MAP2K5: variants seen among roughly 807,000 people sequenced by gnomAD.
MAP2K5 encodes dual specificity mitogen-activated protein kinase kinase 5.
A neutral mutation model predicts 83.1 loss-of-function variants in MAP2K5; 49 were observed. The ratio of observed to expected loss-of-function variants is 0.59; its 90% CI spans 0.47 to 0.75. MAP2K5 has a LOEUF of 0.75. Among genes scored for constraint, MAP2K5 ranks in the 30% least tolerant of loss-of-function variants. The pLI is 0.00. For synonymous variants in MAP2K5, 202 were observed against 191.8 expected (o/e 1.05, Z -0.44); for missense variants, 457 against 557.5 (o/e 0.82, Z 1.82).
chr15:67,553,941 A>AC (rs1203144561), intron 2 of MAP2K5, among the ~76,000 whole-genome samples: 1 of 150,088 alleles, frequency 6.7e-6, no homozygotes, highest in Middle Eastern at 3.2e-3. Flanking sequence ...AAAAAAAAAA[A>AC]AGAAATAGTT....
Position 67,563,464 on chromosome 15 carries a change from A to G in MAP2K5, c.252+114A>G, listed in dbSNP as rs2084779269. On this transcript the variant is annotated intron_variant, in intron 3 of 21. Transcript: ENST00000178640. The surrounding 1 kb of genome is among the most constrained non-coding windows in gnomAD (Gnocchi z 4.5). ...AATCACAGTTGTCATACATTTTTCT[A>G]TATAATAGGTAAAGGTTTCAAGGAT... 6.7e-6 allele frequency: 9 copies of G among 1,334,812 alleles called. No homozygotes were observed. The highest frequency in any genetic ancestry group is 1.6e-5 in the South Asian group (1 of 64,236). The allele number at this position is 1,334,812 out of a possible 1,614,324, so 82.7% of individuals were successfully genotyped here.
In MAP2K5 at chr15:67,621,434, GA is replaced by G. The variant is rs11449678; in HGVS notation, c.546-9439del. ...AAGAAATACTAATGAACAAAAGTTT[GA>G]AAAAAAAAAAAAAAGAACAAAAGTT... is the stretch of plus-strand genomic sequence containing the variant. On this transcript the variant is annotated intron_variant, in intron 8 of 21. Transcript: ENST00000178640. 2.9e-4 allele frequency among the ~76,000 whole-genome samples: 34 copies of G among 118,968 alleles called. No individual in the cohort carries two copies. In the East Asian group the frequency reaches 4.0e-3, roughly 14 times the overall value. 78.0% of individuals were successfully genotyped at this position (118,968 alleles called of 152,430 possible). A position where few individuals can be genotyped will look rare whatever the true frequency, so the allele number is the denominator to read the frequency against.
At position 67,548,958 on chromosome 15, in the gene MAP2K5, G is replaced by A. The variant is rs531566448; in HGVS notation, c.136-1076G>A. On this transcript the variant is annotated intron_variant, in intron 1 of 21. Transcript: ENST00000178640. The stretch of plus-strand genomic sequence containing the variant: ...TAGAGGCAAGACTATTATGCAAATT[G>A]CCACTGCAGCAAAAGCTTCTAAAGA... 2.3e-3 allele frequency: 2,786 copies of A among 1,236,882 alleles called. 9 individuals are homozygous for A. The highest frequency in any genetic ancestry group is 0.018 in the Middle Eastern group (63 of 3,416). 76.6% of individuals were successfully genotyped at this position (1,236,882 alleles called of 1,614,324 possible).
At chr15:67,672,320 AC>A (rs1180766004) in intron 13 of MAP2K5, among the ~76,000 whole-genome samples, 1 of 151,782 alleles carries the variant, frequency 6.6e-6, no homozygotes, top group African/African-American at 2.4e-5. Flanking sequence ...CCTCTCCAGC[AC>A]CTGTTGTTTC....
At position 67,748,664 on chromosome 15, in the gene MAP2K5, A is replaced by G. The variant is rs1353675093; in HGVS notation, c.1134+63A>G. 6 of 1,525,438 alleles carry G rather than the reference A, an allele frequency of 3.9e-6. No individual in the cohort carries two copies. The highest frequency in any genetic ancestry group is 4.5e-6 in the Non-Finnish European group (5 of 1,104,266). 94.5% of individuals were successfully genotyped at this position (1,525,438 alleles called of 1,614,324 possible). ...ATTCCTAATGGTGTGGAAAGCTTAT[A>G]TTTTGTTTCCTAATGAAGCACAATG... is the stretch of plus-strand genomic sequence containing the variant. On this transcript the variant is annotated intron_variant, in intron 19 of 21. Transcript: ENST00000178640. The surrounding 1 kb of genome is among the most constrained non-coding windows in gnomAD (Gnocchi z 4.0).
chr15:67,567,602 G>C (rs1442419119), intron 3 of MAP2K5, among the ~76,000 whole-genome samples: 1 of 151,394 alleles, frequency 6.6e-6, no homozygotes, highest in Admixed American at 6.6e-5. Flanking sequence ...CTGACCTCAT[G>C]ATCCACCCGC....
At position 67,561,747 on chromosome 15, in the gene MAP2K5, A is replaced by G. The variant is rs773125385; in HGVS notation, c.185-1536A>G. On this transcript the variant is annotated intron_variant, in intron 2 of 21. Coordinates refer to ENST00000178640, the MANE Select transcript of MAP2K5 (RefSeq NM_145160.3). The surrounding 1 kb of genome is among the most constrained non-coding windows in gnomAD (Gnocchi z 4.2). The stretch of plus-strand genomic sequence containing the variant: ...ATCAGATTGCTGTTGGCCACTGAAG[A>G]GATAAAGGGAGAAAGTATTTTGCTT... 6.6e-6 allele frequency among the ~76,000 whole-genome samples: 1 copy of G among 152,176 alleles called. No homozygotes were observed. Among genetic ancestry groups the G allele is most frequent in the Non-Finnish European group, 1.5e-5 (1 of 68,038 alleles).
intron 15 of MAP2K5, among the ~76,000 whole-genome samples, chr15:67,700,008 A>G (rs1050009523): frequency 1.3e-5 from 2 of 151,576 alleles, no homozygotes; most frequent in African/African-American, 4.8e-5. Context: ...CTTGTGATAC[A>G]TATTTTGACT....
In MAP2K5 at chr15:67,543,261, A is replaced by T; in HGVS notation, c.-75A>T. ...TCCTCTGCCCGTCACTCCCCTTGTC[A>T]CCTCTTGGAGCCCCCTCCTAACCAG... On this transcript the variant is annotated 5_prime_UTR_variant, in exon 1 of 22. Coordinates refer to ENST00000178640, the MANE Select transcript of MAP2K5 (RefSeq NM_145160.3). The surrounding 1 kb of genome is among the most constrained non-coding windows in gnomAD (Gnocchi z 4.3). 1 of 1,509,476 alleles carries T rather than the reference A, an allele frequency of 6.6e-7. No individual in the cohort carries two copies. The highest frequency in any genetic ancestry group is 9.2e-7 in the Non-Finnish European group (1 of 1,092,402). 93.5% of individuals were successfully genotyped at this position (1,509,476 alleles called of 1,614,324 possible). A position where few individuals can be genotyped will look rare whatever the true frequency, so the allele number is the denominator to read the frequency against.
Position 67,748,714 on chromosome 15 carries a change from G to A in MAP2K5, c.1134+113G>A. On this transcript the variant is annotated intron_variant, in intron 19 of 21. Transcript: ENST00000178640. The surrounding 1 kb of genome is among the most constrained non-coding windows in gnomAD (Gnocchi z 4.0). ...GCCCAACATCCTTGGAGCAAGTTGTGTTGTATGGCTCTGAGCTATGTTACG... is the reference window on the plus strand; with the variant it reads ...GCCCAACATCCTTGGAGCAAGTTGTATTGTATGGCTCTGAGCTATGTTACG... The A allele has an allele frequency of 2.0e-6, 2 of 976,598 alleles. No individual in the cohort carries two copies. The highest frequency in any genetic ancestry group is 3.2e-6 in the Non-Finnish European group (2 of 624,824). The allele number at this position is 976,598 out of a possible 1,614,324, so 60.5% of individuals were successfully genotyped here.
chr15:67,608,950 C>T (rs1277421919), intron 8 of MAP2K5, among the ~76,000 whole-genome samples: 2 of 152,178 alleles, frequency 1.3e-5, no homozygotes, highest in Non-Finnish European at 2.9e-5. Context: ...GTGAGTGTTT[C>T]AGGAATTTAC....
intron 19 of MAP2K5, among the ~76,000 whole-genome samples, chr15:67,763,570 T>C (rs1322639036): frequency 3.3e-5 from 5 of 152,206 alleles, no homozygotes; most frequent in Non-Finnish European, 4.4e-5. Flanking sequence ...GGACAGGTTG[T>C]TTTTGGTTTG....
chr15:67,739,780 C>T (rs2089452441), intron 17 of MAP2K5, among the ~76,000 whole-genome samples: 1 of 151,888 alleles, frequency 6.6e-6, no homozygotes, highest in African/African-American at 2.4e-5. Context: ...TGCACCTGGC[C>T]AATTTTAAGA....
rs1320833180 is a variant in MAP2K5 at position 67,747,435 on chromosome 15, A to G, written c.1075-796A>G. 6.6e-6 allele frequency among the ~76,000 whole-genome samples: 1 copy of G among 152,046 alleles called. No homozygotes were observed. The highest frequency in any genetic ancestry group is 2.4e-5 in the African/African-American group (1 of 41,382). ...TAACTGTAAGCTTTATTTTTCCTGGATGGGGAGGCACTGAAGTGTTTAGTA... is the reference window on the plus strand; with the variant it reads ...TAACTGTAAGCTTTATTTTTCCTGGGTGGGGAGGCACTGAAGTGTTTAGTA... On this transcript the variant is annotated intron_variant, in intron 17 of 21. Transcript: ENST00000178640. The surrounding 1 kb of genome is among the most constrained non-coding windows in gnomAD (Gnocchi z 4.1).
At position 67,693,957 on chromosome 15, in the gene MAP2K5, A is replaced by G. The variant is rs548211397; in HGVS notation, c.972+389A>G. On this transcript the variant is annotated intron_variant, in intron 15 of 21. Transcript: ENST00000178640. ...TCTTGGAATATGAACATGCTTTGTC[A>G]CCAGATCAAAATTAAATTACTGTGT... Among the ~76,000 whole-genome samples the G allele has an allele frequency of 4.6e-5, 7 of 152,140 alleles. No individual in the cohort carries two copies. In the South Asian group the frequency reaches 1.0e-3, roughly 23 times the overall value.
In MAP2K5 at chr15:67,543,185, C is replaced by T. The variant is rs961072272; in HGVS notation, c.-151C>T. 2.4e-5 allele frequency: 18 copies of T among 759,232 alleles called. No individual in the cohort carries two copies. The highest frequency in any genetic ancestry group is 3.7e-5 in the Non-Finnish European group (17 of 454,880). The allele number at this position is 759,232 out of a possible 1,614,324, so 47.0% of individuals were successfully genotyped here. ...GCCTGCGGGTGCGTTCCTGATCACC[C>T]CTCCCCTCTTCCCTCCCCCTCATCC... On this transcript the variant is annotated 5_prime_UTR_variant, in exon 1 of 22. Coordinates refer to ENST00000178640, the MANE Select transcript of MAP2K5 (RefSeq NM_145160.3). The surrounding 1 kb of genome is among the most constrained non-coding windows in gnomAD (Gnocchi z 4.3).
chr15:67,579,604 CTTTA>C (rs1035961408), intron 3 of MAP2K5, among the ~76,000 whole-genome samples: 1 of 151,986 alleles, frequency 6.6e-6, no homozygotes, highest in Non-Finnish European at 1.5e-5. Context: ...TCCACCTTCA[CTTTA>C]TTTGTTATTA....
intron 13 of MAP2K5, among the ~76,000 whole-genome samples, chr15:67,683,794 C>T (rs1323039478): frequency 1.3e-5 from 2 of 152,128 alleles, no homozygotes; most frequent in Non-Finnish European, 2.9e-5. Flanking sequence ...CAAACAGATA[C>T]TTCTACTTCT....
chr15:67,672,675 A>G (rs979347334), intron 13 of MAP2K5, among the ~76,000 whole-genome samples: 6 of 146,436 alleles, frequency 4.1e-5, no homozygotes, highest in Non-Finnish European at 9.1e-5. Flanking sequence ...ATTAGATCCC[A>G]TTTGTCAATT....
Sources: gnomAD v4.1 joint callset for allele counts (sites outside exome capture counted in the v4.1 genomes callset) on GRCh38, gnomAD v4.1.1 for gene constraint, Gnocchi (gnomAD v3.1) non-coding constraint, MANE v1.5 for transcripts, NCBI Gene and HGNC (gene_info 2026-07-23, HGNC 2026-07-21) for gene names.